Variants in ZNF33B observed in about 807,000 individuals in gnomAD.
The protein encoded by ZNF33B is zinc finger protein 33B, also known as zinc finger protein 11b (KOX 2).
A neutral mutation model predicts 45.8 loss-of-function variants in ZNF33B; 29 were observed. The observed-to-expected ratio is 0.63, with a 90% CI of 0.47 to 0.86. ZNF33B has a LOEUF of 0.86. ZNF33B is among the 40% of genes least tolerant of loss of function. The pLI is 0.00. For missense variants in ZNF33B, 831 were observed against 909.9 expected (o/e 0.91, Z 1.12); for synonymous variants, 305 against 307.8 (o/e 0.99, Z 0.10).
At chr10:42,608,261 C>A (rs1249936768) in intron 4 of ZNF33B, among the ~76,000 whole-genome samples, 3 of 152,118 alleles carry the variant, frequency 2.0e-5, no homozygotes, top group African/African-American at 7.2e-5. Flanking sequence ...TAATTGCAAA[C>A]TGTAATAACC....
intron 1 of ZNF33B, among the ~76,000 whole-genome samples, chr10:42,638,126 C>T (rs1839416002): frequency 6.6e-6 from 1 of 152,250 alleles, no homozygotes; most frequent in African/African-American, 2.4e-5. Context: ...TGCACCCGCC[C>T]TTTCCTACCC....
intron 4 of ZNF33B, among the ~76,000 whole-genome samples, chr10:42,621,423 C>T (rs1264312416): frequency 6.6e-6 from 1 of 151,766 alleles, no homozygotes; most frequent in Non-Finnish European, 1.5e-5. Context: ...CACACACACA[C>T]AAATACCAGT....
intron 1 of ZNF33B, chr10:42,582,909 T>G: frequency 4.1e-6 from 2 of 490,026 alleles, no homozygotes; most frequent in East Asian, 7.3e-5. Flanking sequence ...TTAGGCTGTT[T>G]CCAAATTTGT....
intron 4 of ZNF33B, among the ~76,000 whole-genome samples, chr10:42,610,533 T>G (rs1291544951): frequency 5.9e-5 from 9 of 152,140 alleles, no homozygotes; most frequent in Admixed American, 2.0e-4. Context: ...AGCAAAACTC[T>G]GTTTCAATAA....
At chr10:42,616,225 T>C (rs2132111143) in intron 4 of ZNF33B, among the ~76,000 whole-genome samples, 1 of 151,616 alleles carries the variant, frequency 6.6e-6, no homozygotes, top group South Asian at 2.1e-4. Flanking sequence ...AGAGTGAAAC[T>C]CCATATTAAA....
chr10:42,608,927 G>A (rs527714680), intron 4 of ZNF33B, among the ~76,000 whole-genome samples: 1 of 148,668 alleles, frequency 6.7e-6, no homozygotes, highest in East Asian at 2.0e-4. Flanking sequence ...AGGGATTAAC[G>A]ATGTATTACT....
chr10:42,637,841 C>T (rs1012092784), intron 1 of ZNF33B, among the ~76,000 whole-genome samples: 32 of 152,022 alleles, frequency 2.1e-4, no homozygotes, highest in African/African-American at 7.7e-4. Flanking sequence ...TTAGTAGAGA[C>T]GGGGATTTGC....
Position 42,636,179 on chromosome 10 carries a change from G to A in ZNF33B, c.9+741C>T, listed in dbSNP as rs184648370. On this transcript the variant is annotated intron_variant, in intron 2 of 4. Coordinates refer to ENST00000359467, the MANE Select transcript of ZNF33B (RefSeq NM_006955.3). The stretch of plus-strand genomic sequence containing the variant: ...AAATTAAAATACATTTTAACTTACT[G>A]ATCAAACAGTACATCCAAAAGAAAA... Among the ~76,000 whole-genome samples, 10 of 152,198 alleles carry A rather than the reference G, an allele frequency of 6.6e-5. No individual in the cohort carries two copies. The South Asian group carries it at 1.2e-3, about 19-fold the overall frequency.
At chr10:42,586,784 T>C (rs1252828580), downstream of ZNF33B, among the ~76,000 whole-genome samples, 1 of 152,254 alleles carries the variant, frequency 6.6e-6, no homozygotes, top group East Asian at 1.9e-4. Flanking sequence ...GAGTGTAGCA[T>C]GGCCAAATGC....
At position 42,630,757 on chromosome 10, in the gene ZNF33B, G is replaced by A. The variant is rs926062309; in HGVS notation, c.250+1172C>T. On this transcript the variant is annotated intron_variant, in intron 4 of 4. Coordinates refer to ENST00000359467, the MANE Select transcript of ZNF33B (RefSeq NM_006955.3). Reference sequence around the variant, plus strand: ...ATATTTTCTCTACAGAGGTGAGAAAGATCTTACAGAGATATAAATCAGATG... The same window carrying A: ...ATATTTTCTCTACAGAGGTGAGAAAAATCTTACAGAGATATAAATCAGATG... Among the ~76,000 whole-genome samples the A allele has an allele frequency of 3.3e-5, 5 of 152,262 alleles. No homozygotes were observed. The East Asian group carries it at 9.6e-4, about 29-fold the overall frequency.
At chr10:42,605,913 TACTGAG>T (rs1246313008) in intron 4 of ZNF33B, among the ~76,000 whole-genome samples, 2 of 151,706 alleles carry the variant, frequency 1.3e-5, no homozygotes, top group Non-Finnish European at 2.9e-5. Flanking sequence ...TTAGGCAACA[TACTGAG>T]ACCCTATCTC....
At chr10:42,623,020 C>A (rs1838657978) in intron 4 of ZNF33B, among the ~76,000 whole-genome samples, 1 of 152,102 alleles carries the variant, frequency 6.6e-6, no homozygotes. Context: ...GTAATCCCAG[C>A]ACTTTGGGAG....
chr10:42,625,122 T>C (rs1838748273), intron 4 of ZNF33B, among the ~76,000 whole-genome samples: 1 of 151,756 alleles, frequency 6.6e-6, no homozygotes, highest in African/African-American at 2.4e-5. Flanking sequence ...AGAAAAACCT[T>C]ACTGGAATCT....
Position 42,592,485 on chromosome 10 carries a change from G to C in ZNF33B, c.*128C>G. 7.8e-7 allele frequency: 1 copy of C among 1,280,008 alleles called. No individual in the cohort carries two copies. Among genetic ancestry groups the C allele is most frequent in the Non-Finnish European group, 1.1e-6 (1 of 920,496 alleles). The allele number at this position is 1,280,008 out of a possible 1,614,324, so 79.3% of individuals were successfully genotyped here. On this transcript the variant is annotated 3_prime_UTR_variant, in exon 5 of 5. Transcript: ENST00000359467. ...GGGTTTATCCCCTACTGTTACTTTG[G>C]AGTAACATAAGGCGAGTTTGTGGAT... is the stretch of plus-strand genomic sequence containing the variant.
chr10:42,583,920 G>A (rs1183924124), intron 1 of ZNF33B, among the ~76,000 whole-genome samples: 2 of 152,204 alleles, frequency 1.3e-5, no homozygotes, highest in Non-Finnish European at 2.9e-5. Context: ...CCAGAGCAGA[G>A]GCAGCCCCGT....
In ZNF33B at chr10:42,638,512, C is replaced by A. The variant is rs557402354; in HGVS notation, c.-83G>T. On this transcript the variant is annotated 5_prime_UTR_variant, in exon 1 of 5. Transcript: ENST00000359467. The stretch of plus-strand genomic sequence containing the variant: ...CGGGTTGCATTCGCCATAAGAGAGC[C>A]GGTAGACCCCTGAAATCCCGGGACC... 2.1e-6 allele frequency: 1 copy of A among 482,376 alleles called. No individual in the cohort carries two copies. Among genetic ancestry groups the A allele is most frequent in the Non-Finnish European group, 4.1e-6 (1 of 241,768 alleles). The allele number at this position is 482,376 out of a possible 1,614,324, so 29.9% of individuals were successfully genotyped here. A position where few individuals can be genotyped will look rare whatever the true frequency, so the allele number is the denominator to read the frequency against.
Position 42,616,728 on chromosome 10 carries a change from G to A in ZNF33B, c.250+15201C>T, listed in dbSNP as rs574690705. On this transcript the variant is annotated intron_variant, in intron 4 of 4. Coordinates refer to ENST00000359467, the MANE Select transcript of ZNF33B (RefSeq NM_006955.3). Reference sequence around the variant, plus strand: ...ATTTTATTTTTTGAGATGGAGTCTCGCTCTGTCGCCAGGCTGGAGTGTCGT... The same window carrying A: ...ATTTTATTTTTTGAGATGGAGTCTCACTCTGTCGCCAGGCTGGAGTGTCGT... Among the ~76,000 whole-genome samples, 18 of 152,062 alleles carry A rather than the reference G, an allele frequency of 1.2e-4. 1 individual carries two copies. The South Asian group carries it at 2.7e-3, about 23-fold the overall frequency.
At chr10:42,608,543 T>TAA (rs368346792) in intron 4 of ZNF33B, among the ~76,000 whole-genome samples, 1 of 150,176 alleles carries the variant, frequency 6.7e-6, no homozygotes, top group African/African-American at 2.4e-5. Flanking sequence ...ATTCCAAAGT[T>TAA]AAAAAAAAAG....
chr10:42,576,088 A>G lies in ZNF33B; in HGVS notation c.74-1410T>C, dbSNP rs183313591. Among the ~76,000 whole-genome samples the G allele has an allele frequency of 9.3e-4, 142 of 152,104 alleles. 1 individual carries two copies. Among genetic ancestry groups the G allele is most frequent in the African/African-American group, 3.0e-3 (126 of 41,496 alleles). ...GTATTTTTAGTAGAGACAGGGTTTCACCATGTTGGCCAGGCTGGTCTCGAA... is the reference window on the plus strand; with the variant it reads ...GTATTTTTAGTAGAGACAGGGTTTCGCCATGTTGGCCAGGCTGGTCTCGAA... On this transcript the variant is annotated intron_variant, in intron 1 of 1. Transcript: ENST00000462075.
Sources: gnomAD v4.1 joint callset for allele counts (sites outside exome capture counted in the v4.1 genomes callset) on GRCh38, gnomAD v4.1.1 for gene constraint, MANE v1.5 for transcripts, NCBI Gene and HGNC (gene_info 2026-07-23, HGNC 2026-07-21) for gene names.